Variants in COA1 observed in about 807,000 individuals in gnomAD.
The protein encoded by COA1 is cytochrome c oxidase assembly factor 1 homolog.
COA1 carries 13 observed loss-of-function variants against 16.0 expected under a neutral mutation model. The observed-to-expected ratio is 0.81, with a 90% CI of 0.53 to 1.29. The LOEUF is 1.29. Ranked by LOEUF, COA1 falls within the 50% of genes most tolerant of loss-of-function variation. COA1 has a pLI of 0.00. For missense variants in COA1, 179 were observed against 177.0 expected (o/e 1.01, Z -0.06); for synonymous variants, 65 against 65.7 (o/e 0.99, Z 0.05).
chr7:43,640,472 A>G (rs2153065300), intron 5 of COA1, 101 bp downstream of exon 5: 1 of 869,458 alleles, frequency 1.2e-6, no homozygotes, highest in African/African-American at 1.7e-5. Context: ...AATTCTTCCT[A>G]TGCCCACAGT....
intron 1 of COA1, among the ~76,000 whole-genome samples, chr7:43,658,172 C>A (rs1055772284): frequency 2.0e-5 from 3 of 151,754 alleles, no homozygotes; most frequent in African/African-American, 7.3e-5. Flanking sequence ...GTCAGGAGAT[C>A]GAGACCATCC....
intron 1 of COA1, chr7:43,649,022 C>A: frequency 5.2e-6 from 1 of 194,028 alleles, no homozygotes; most frequent in Non-Finnish European, 1.1e-5. Context: ...AAAAGCTGTA[C>A]GTGACAGAGT....
chr7:43,728,480 A>G (rs886238210), intron 1 of COA1, among the ~76,000 whole-genome samples: 2 of 152,240 alleles, frequency 1.3e-5, no homozygotes, highest in African/African-American at 2.4e-5. Flanking sequence ...AAACTTTGCC[A>G]TATCTAAAGT....
intron 1 of COA1, among the ~76,000 whole-genome samples, chr7:43,712,622 G>A (rs2095286601): frequency 6.6e-6 from 1 of 152,120 alleles, no homozygotes; most frequent in Non-Finnish European, 1.5e-5. Flanking sequence ...CACATGGCAG[G>A]CACATTCAAT....
rs372845014 is a variant in COA1, at chr7:43,640,685, T to C, written c.265-36A>G. ...AAAATGACAGAAAGGAGAGATGTAA[T>C]TGGATAATTATTGTCATTTCAGAAG... On this transcript the variant is annotated intron_variant, in intron 4 of 5. Coordinates refer to ENST00000223336, the MANE Select transcript of COA1 (RefSeq NM_018224.4). 4.2e-6 allele frequency: 6 copies of C among 1,417,196 alleles called. No individual in the cohort carries two copies. The African/African-American group carries it at 8.6e-5, about 20-fold the overall frequency. The allele number at this position is 1,417,196 out of a possible 1,614,324, so 87.8% of individuals were successfully genotyped here.
intron 1 of COA1, among the ~76,000 whole-genome samples, chr7:43,710,375 A>ATATATAT (rs1554558919): frequency 8.2e-5 from 3 of 36,450 alleles, no homozygotes; most frequent in African/African-American, 3.9e-4. Context: ...AAAAAAAAAA[A>ATATATAT]ATATATATAT....
chr7:43,656,051 A>C (rs150149926), intron 1 of COA1: 60 of 152,372 alleles, frequency 3.9e-4, no homozygotes, highest in African/African-American at 1.4e-3. Flanking sequence ...TAGCCATGTG[A>C]ATGAGCTGTC....
At chr7:43,640,753 G>C in intron 4 of COA1, 104 bp from the exon 5 acceptor site, 1 of 807,452 alleles carries the variant, frequency 1.2e-6, no homozygotes, top group Admixed American at 3.2e-5. Context: ...ATAAAATCCA[G>C]TGATTCTCCA....
intron 1 of COA1, among the ~76,000 whole-genome samples, chr7:43,651,500 A>C (rs1003343161): frequency 3.9e-5 from 6 of 152,130 alleles, no homozygotes; most frequent in African/African-American, 1.2e-4. Context: ...GCAGCTGCTC[A>C]AGCTGGCACA....
intron 3 of COA1, chr7:43,646,902 A>T (rs1316242440): frequency 1.0e-5 from 2 of 198,610 alleles, no homozygotes; most frequent in African/African-American, 4.6e-5. Context: ...GAGCCTAAAA[A>T]AAGCCAGTCT....
chr7:43,644,519 A>C (rs2153080179), intron 4 of COA1, among the ~76,000 whole-genome samples: 1 of 152,060 alleles, frequency 6.6e-6, no homozygotes, highest in African/African-American at 2.4e-5. Flanking sequence ...CTGGATATAG[A>C]TGCATTTCTC....
chr7:43,719,560 T>A (rs771730861), intron 1 of COA1, among the ~76,000 whole-genome samples: 13 of 152,212 alleles, frequency 8.5e-5, no homozygotes, highest in Non-Finnish European at 1.3e-4. Context: ...TTACAGGTAA[T>A]CACTGTCGAG....
chr7:43,728,618 G>T (rs141777816), intron 1 of COA1, among the ~76,000 whole-genome samples: 23 of 152,154 alleles, frequency 1.5e-4, no homozygotes, highest in Admixed American at 1.4e-3. Flanking sequence ...TTGAAGTTAG[G>T]CTAAGAAATG....
At chr7:43,726,846 A>G (rs1159811738) in intron 1 of COA1, among the ~76,000 whole-genome samples, 6 of 152,268 alleles carry the variant, frequency 3.9e-5, no homozygotes, top group Non-Finnish European at 7.3e-5. Flanking sequence ...ATTACAAAAA[A>G]GAACCTAATT....
intron 1 of COA1, among the ~76,000 whole-genome samples, chr7:43,722,122 ACT>A (rs1406191732): frequency 6.9e-6 from 1 of 144,542 alleles, no homozygotes; most frequent in Non-Finnish European, 1.5e-5. Context: ...ACAGGGTCTC[ACT>A]CTGTCACTCA....
chr7:43,627,078 G>A (rs2084634910), intron 6 of COA1, among the ~76,000 whole-genome samples: 1 of 152,090 alleles, frequency 6.6e-6, no homozygotes, highest in South Asian at 2.1e-4. Flanking sequence ...ATTTATAAAG[G>A]ACTAAACAGT....
At chr7:43,708,638 T>C (rs1288429194) in intron 1 of COA1, among the ~76,000 whole-genome samples, 1 of 152,210 alleles carries the variant, frequency 6.6e-6, no homozygotes, top group Non-Finnish European at 1.5e-5. Context: ...TACTGGCCAC[T>C]TGGATATTCT....
At position 43,718,986 on chromosome 7, in the gene COA1, T is replaced by G. The variant is rs538611248; in HGVS notation, c.-39+10443A>C. On this transcript the variant is annotated intron_variant, in intron 1 of 5. Transcript: ENST00000223336. ...CCAGGAATCTACATTTTTTTTTTTTTTTTGAGATGGAGTCTCACTCTGTCA... is the reference window on the plus strand; with the variant it reads ...CCAGGAATCTACATTTTTTTTTTTTGTTTGAGATGGAGTCTCACTCTGTCA... Among the ~76,000 whole-genome samples the G allele has an allele frequency of 2.7e-3, 416 of 151,936 alleles. 2 individuals carry two copies. The highest frequency in any genetic ancestry group is 9.4e-3 in the African/African-American group (391 of 41,428).
At chr7:43,633,561 T>C (rs1172862458) in intron 6 of COA1, among the ~76,000 whole-genome samples, 1 of 150,250 alleles carries the variant, frequency 6.7e-6, no homozygotes, top group South Asian at 2.1e-4. Flanking sequence ...ATCACAGCTC[T>C]CCATAATAGA....
Sources: gnomAD v4.1 joint callset for allele counts (sites outside exome capture counted in the v4.1 genomes callset) on GRCh38, gnomAD v4.1.1 for gene constraint, MANE v1.5 for transcripts, NCBI Gene and HGNC (gene_info 2026-07-23, HGNC 2026-07-21) for gene names.